The following ABLIM2 variants were observed in gnomAD, a reference collection of about 807,000 sequenced individuals.
The protein encoded by ABLIM2 is actin binding LIM protein family member 2.
Under a neutral mutation model 97.7 loss-of-function variants are expected in ABLIM2, and 53 were observed. The observed-to-expected ratio is 0.54, with a 90% CI of 0.44 to 0.68. The LOEUF (loss-of-function observed/expected upper bound fraction) is 0.68, where lower values mean the gene tolerates loss of function less well. Among genes scored for constraint, ABLIM2 ranks in the 30% least tolerant of loss-of-function variants. The pLI, the probability that ABLIM2 is intolerant of heterozygous loss-of-function variation, is 0.00. For missense variants in ABLIM2, 835 were observed against 867.2 expected (o/e 0.96, Z 0.47); for synonymous variants, 361 against 345.8 (o/e 1.04, Z -0.49).
intron 9 of ABLIM2, among the ~76,000 whole-genome samples, chr4:8,041,028 G>T (rs1230695115): frequency 5.3e-5 from 8 of 152,212 alleles, no homozygotes; most frequent in African/African-American, 1.9e-4. Flanking sequence ...CAAACTAAGA[G>T]CCGGGAGACT....
intron 7 of ABLIM2, among the ~76,000 whole-genome samples, chr4:8,057,365 C>G (rs1052146917): frequency 1.3e-5 from 2 of 152,192 alleles, no homozygotes; most frequent in African/African-American, 4.8e-5. Context: ...GAATTACAGG[C>G]ATGAGCCACT....
At chr4:7,991,212 A>G (rs1005179289) in intron 17 of ABLIM2, among the ~76,000 whole-genome samples, 1 of 152,184 alleles carries the variant, frequency 6.6e-6, no homozygotes, top group Non-Finnish European at 1.5e-5. Flanking sequence ...TTCTCTGCAG[A>G]TGCTGAGAGG....
At position 7,998,583 on chromosome 4, in the gene ABLIM2, C is replaced by T. The variant is rs1754988936; in HGVS notation, c.1619-5656G>A. 2 of 475,418 alleles carry T rather than the reference C, an allele frequency of 4.2e-6. No individual in the cohort carries two copies. Among genetic ancestry groups the T allele is most frequent in the East Asian group, 1.3e-4 (2 of 15,712 alleles). 29.4% of individuals were successfully genotyped at this position (475,418 alleles called of 1,614,324 possible). ...GGAGACCATGCCCCTGGGTTCACTC[C>T]CAGGACTGCGGGGTGCCTGCTGGCC... On this transcript the variant is annotated intron_variant, in intron 16 of 20. Coordinates refer to ENST00000447017, the MANE Select transcript of ABLIM2 (RefSeq NM_001130083.2). The surrounding 1 kb of genome is among the most constrained non-coding windows in gnomAD (Gnocchi z 6.4).
At chr4:8,090,643 T>C (rs1202798274) in intron 3 of ABLIM2, among the ~76,000 whole-genome samples, 6 of 152,154 alleles carry the variant, frequency 3.9e-5, no homozygotes, top group African/African-American at 1.2e-4. Flanking sequence ...GGCACCGTGA[T>C]CATCATTGTC....
chr4:8,096,674 C>G (rs1831761874), intron 3 of ABLIM2, among the ~76,000 whole-genome samples: 1 of 152,186 alleles, frequency 6.6e-6, no homozygotes, highest in Non-Finnish European at 1.5e-5. Flanking sequence ...TCTTTGTTTT[C>G]TAGAAACAGA....
chr4:7,973,377 T>G (rs187145227), intron 20 of ABLIM2, among the ~76,000 whole-genome samples: 4,009 of 152,056 alleles, frequency 0.026, 188 homozygotes, highest in African/African-American at 0.093. Context: ...GGTACATGCC[T>G]GTAGTCCCAG....
intron 17 of ABLIM2, among the ~76,000 whole-genome samples, chr4:7,990,437 C>T (rs192970182): frequency 1.3e-5 from 2 of 152,208 alleles, no homozygotes; most frequent in Admixed American, 6.5e-5. Flanking sequence ...CTGCCTGCCT[C>T]GGCCTCCCAA....
In ABLIM2 at chr4:8,085,402, C is replaced by G. The variant is rs1190804484; in HGVS notation, c.454+2767G>C. Among the ~76,000 whole-genome samples the G allele has an allele frequency of 6.6e-6, 1 of 152,182 alleles. No homozygotes were observed. Among genetic ancestry groups the G allele is most frequent in the African/African-American group, 2.4e-5 (1 of 41,462 alleles). On this transcript the variant is annotated intron_variant, in intron 4 of 20. Coordinates refer to ENST00000447017, the MANE Select transcript of ABLIM2 (RefSeq NM_001130083.2). This position sits in a 1 kb window ranked among gnomAD's most constrained non-coding sequence, Gnocchi z 6.1. ...CACCACGGCGTGGCTTTGGAGGAAG[C>G]TGCCATCTGGTGTTGGTGTCTCAGT...
intron 20 of ABLIM2, among the ~76,000 whole-genome samples, chr4:7,976,682 T>A (rs1190564646): frequency 1.3e-5 from 2 of 150,230 alleles, no homozygotes; most frequent in African/African-American, 2.5e-5. Context: ...CACACACACA[T>A]GTGCATGCAC....
intron 3 of ABLIM2, among the ~76,000 whole-genome samples, chr4:8,092,873 G>C (rs1202963263): frequency 6.6e-6 from 1 of 151,884 alleles, no homozygotes; most frequent in African/African-American, 2.4e-5. Flanking sequence ...TTTTGAGATG[G>C]AGGCTCCCTC....
At chr4:8,093,439 C>T (rs887910447) in intron 3 of ABLIM2, among the ~76,000 whole-genome samples, 20 of 152,290 alleles carry the variant, frequency 1.3e-4, no homozygotes, top group African/African-American at 2.4e-4. Context: ...AAGTCTTTAT[C>T]GTGCCTTCGT....
chr4:8,006,850 AC>A (rs955097820), intron 16 of ABLIM2, among the ~76,000 whole-genome samples: 3 of 145,056 alleles, frequency 2.1e-5, no homozygotes, highest in Non-Finnish European at 4.5e-5. Flanking sequence ...TCTGGGGTGA[AC>A]CCCTCTCCCT....
rs1279949627 is a variant in ABLIM2 at position 8,045,144 on chromosome 4, A to C, written c.900+20T>G. 1 of 1,610,620 alleles carries C rather than the reference A, an allele frequency of 6.2e-7. No homozygotes were observed. ...TCTCCACCCTCCCACCGCCGTCCCCATAAAAAGGCCCTGACTTACATAAAT... is the reference window on the plus strand; with the variant it reads ...TCTCCACCCTCCCACCGCCGTCCCCCTAAAAAGGCCCTGACTTACATAAAT... On this transcript the variant is annotated intron_variant, in intron 9 of 20. Coordinates refer to ENST00000447017, the MANE Select transcript of ABLIM2 (RefSeq NM_001130083.2).
rs75428601 is a variant in ABLIM2 at position 7,998,655 on chromosome 4, G to A, written c.1619-5728C>T. ...GCTGCAGGAGGAAAACACCTGCCTCGTCACCTTTTGCCACCACATGGGAGG... is the reference window on the plus strand; with the variant it reads ...GCTGCAGGAGGAAAACACCTGCCTCATCACCTTTTGCCACCACATGGGAGG... On this transcript the variant is annotated intron_variant, in intron 16 of 20. Transcript: ENST00000447017. The surrounding 1 kb of genome is among the most constrained non-coding windows in gnomAD (Gnocchi z 6.4). 987 of 511,466 alleles carry A rather than the reference G, an allele frequency of 1.9e-3. 11 individuals are homozygous for A. The highest frequency in any genetic ancestry group is 0.015 in the African/African-American group (802 of 51,810). The allele number at this position is 511,466 out of a possible 1,614,324, so 31.7% of individuals were successfully genotyped here.
In ABLIM2 at chr4:7,996,046, C is replaced by T. The variant is rs114349888; in HGVS notation, c.1619-3119G>A. ...AGACACCTTCCTCCTCCTTCATGCC[C>T]AGAGCCAGGCATGCTCTGGGAGCCC... On this transcript the variant is annotated intron_variant, in intron 16 of 20. Transcript: ENST00000447017. The surrounding 1 kb of genome is among the most constrained non-coding windows in gnomAD (Gnocchi z 4.5). 0.017 allele frequency among the ~76,000 whole-genome samples: 2,612 copies of T among 152,266 alleles called. 28 individuals are homozygous for T. Among genetic ancestry groups the T allele is most frequent in the Middle Eastern group, 0.031 (9 of 294 alleles).
At chr4:8,117,918 T>C (rs746205144) in intron 1 of ABLIM2, among the ~76,000 whole-genome samples, 7 of 152,158 alleles carry the variant, frequency 4.6e-5, no homozygotes, top group Non-Finnish European at 8.8e-5. Flanking sequence ...ACTGTAAAGC[T>C]CAGGACAGTT....
intron 1 of ABLIM2, among the ~76,000 whole-genome samples, chr4:8,136,096 T>C (rs953080854): frequency 2.0e-5 from 3 of 152,224 alleles, no homozygotes; most frequent in Non-Finnish European, 4.4e-5. Flanking sequence ...ACGTGGTCTA[T>C]ACGGACGATG....
rs1475960150 is a variant in ABLIM2, at chr4:8,112,314, G to A, written c.11-5677C>T. On this transcript the variant is annotated intron_variant, in intron 1 of 20. Transcript: ENST00000447017. The surrounding 1 kb of genome is among the most constrained non-coding windows in gnomAD (Gnocchi z 4.2). The stretch of plus-strand genomic sequence containing the variant: ...GGTCCGGTTTGGACCCACCATCCAG[G>A]GGCAGCGGTGTGACCTTGGTGAATG... Among the ~76,000 whole-genome samples, 1 of 152,228 alleles carries A rather than the reference G, an allele frequency of 6.6e-6. No individual in the cohort carries two copies.
At chr4:8,017,507 C>A (rs1161183979) in intron 14 of ABLIM2, among the ~76,000 whole-genome samples, 2 of 151,846 alleles carry the variant, frequency 1.3e-5, no homozygotes, top group Non-Finnish European at 2.9e-5. Context: ...AGGCTGGTCT[C>A]GAACTCCTGA....
Sources: allele counts gnomAD v4.1 joint callset (sites outside exome capture counted in the v4.1 genomes callset), GRCh38; gene constraint gnomAD v4.1.1; non-coding constraint Gnocchi (gnomAD v3.1); transcripts MANE v1.5; gene names NCBI Gene and HGNC (gene_info 2026-07-23, HGNC 2026-07-21).